SLC38A10: variants seen among roughly 807,000 people sequenced by gnomAD.
SLC38A10 encodes Sodium-coupled neutral amino acid transporter 10.
Under a neutral mutation model 81.0 loss-of-function variants are expected in SLC38A10, and 53 were observed. The observed-to-expected ratio is 0.65, with a 90% CI of 0.53 to 0.82. The LOEUF is 0.82. SLC38A10 is among the 40% of genes least tolerant of loss of function. The probability of loss-of-function intolerance (pLI) is 0.00; values close to 1 mark genes in which losing one functional copy is unlikely to be tolerated. For missense variants in SLC38A10, 1,471 were observed against 1,545.0 expected (o/e 0.95, Z 0.80); for synonymous variants, 665 against 655.3 (o/e 1.01, Z -0.23).
intron 14 of SLC38A10, among the ~76,000 whole-genome samples, chr17:81,248,798 C>G (rs990098630): frequency 1.3e-5 from 2 of 152,150 alleles, no homozygotes; most frequent in African/African-American, 4.8e-5. Context: ...GCCCAGACCC[C>G]TGGATGTGGG....
Position 81,253,414 on chromosome 17 carries a change from A to T in SLC38A10, c.1289-174T>A, listed in dbSNP as rs774586628. ...CAGAAAACTGTCATTTTTCATGTGT[A>T]TTCACAACAAAAATATGTCAAAATG... On this transcript the variant is annotated intron_variant, in intron 11 of 15. Coordinates refer to ENST00000374759, the MANE Select transcript of SLC38A10 (RefSeq NM_001037984.3). This position sits in a 1 kb window ranked among gnomAD's most constrained non-coding sequence, Gnocchi z 4.1. 9.2e-5 allele frequency among the ~76,000 whole-genome samples: 14 copies of T among 152,168 alleles called. No individual in the cohort carries two copies. The highest frequency in any genetic ancestry group is 2.0e-4 in the Admixed American group (3 of 15,282).
chr17:81,292,124 A>G (rs1567951517), intron 1 of SLC38A10, among the ~76,000 whole-genome samples: 1 of 151,890 alleles, frequency 6.6e-6, no homozygotes, highest in South Asian at 2.1e-4. Flanking sequence ...ATATAGATAT[A>G]GATATATATT....
In SLC38A10 at chr17:81,253,688, ACATCACCATCATCACCATCAC is replaced by A. The variant is rs1489217368; in HGVS notation, c.1289-469_1289-449del. On this transcript the variant is annotated intron_variant, in intron 11 of 15. Transcript: ENST00000374759. This position sits in a 1 kb window ranked among gnomAD's most constrained non-coding sequence, Gnocchi z 4.1. ...ACCATCATCTCCATCCCTACCACCA[ACATCACCATCATCACCATCAC>A]CATCACCATCATCACCATCTCCATC... Among the ~76,000 whole-genome samples, 121 of 134,352 alleles carry A rather than the reference ACATCACCATCATCACCATCAC, an allele frequency of 9.0e-4. 1 individual carries two copies. The East Asian group carries it at 0.024, about 27-fold the overall frequency. The allele number at this position is 134,352 out of a possible 152,430, so 88.1% of individuals were successfully genotyped here. A position where few individuals can be genotyped will look rare whatever the true frequency, so the allele number is the denominator to read the frequency against.
At chr17:81,258,796 G>A (rs760693493) in intron 11 of SLC38A10, among the ~76,000 whole-genome samples, 4 of 152,334 alleles carry the variant, frequency 2.6e-5, no homozygotes, top group Admixed American at 6.5e-5. Context: ...CCAGGTGGAC[G>A]TTTTTCCAGT....
At chr17:81,271,978 C>T (rs1280144151) in intron 9 of SLC38A10, among the ~76,000 whole-genome samples, 3 of 152,088 alleles carry the variant, frequency 2.0e-5, no homozygotes, top group Non-Finnish European at 2.9e-5. Context: ...CCGCCCGCCT[C>T]GGCCTCCCAA....
In SLC38A10 at chr17:81,246,024, G is replaced by A; in HGVS notation, c.2892C>T (p.Ile964=). The A allele has an allele frequency of 6.2e-7, 1 of 1,610,696 alleles. No homozygotes were observed. The highest frequency in any genetic ancestry group is 8.5e-7 in the Non-Finnish European group (1 of 1,179,280). ...AVLRQPELRV[I]SDGEQGGQQG... ...GCTGTCCACCCTGCTCGCCATCAGA[G>A]ATGACCCGCAGTTCCGGCTGGCGTA... Residue 964 remains isoleucine, a synonymous_variant, in exon 16 of 16, where the codon ATC becomes ATT. Coordinates refer to ENST00000374759, the MANE Select transcript of SLC38A10 (RefSeq NM_001037984.3).
rs768554867 is a variant in SLC38A10, at chr17:81,276,060, C to A, written c.821G>T (p.Arg274Leu). The A allele has an allele frequency of 1.2e-6, 2 of 1,613,998 alleles. No individual in the cohort carries two copies. The highest frequency in any genetic ancestry group is 1.7e-6 in the Non-Finnish European group (2 of 1,180,020). The change falls in exon 8 of 16, where the codon CGT (arginine) becomes CTT (leucine). Residue 274 changes from arginine to leucine, a missense_variant. Around this residue, in one of 2 missense-constraint regions of SLC38A10, gnomAD observed 720 missense variants for 827.7 expected, o/e 0.87. Transcript: ENST00000374759. This position sits in a 1 kb window ranked among gnomAD's most constrained non-coding sequence, Gnocchi z 4.7. The stretch of plus-strand genomic sequence containing the variant: ...AGCCACTGACATCATGAAGCCCACA[C>A]GGAGCATCTCCGTCACCAGGTTGGA... Reference protein sequence around the residue: ...FPSNLVTEMLRVGFMMSVAVG... With the variant: ...FPSNLVTEMLLVGFMMSVAVG...
intron 10 of SLC38A10, among the ~76,000 whole-genome samples, chr17:81,267,127 C>T (rs1397280649): frequency 6.6e-6 from 1 of 152,184 alleles, no homozygotes; most frequent in African/African-American, 2.4e-5. Flanking sequence ...TAAAGTAAAA[C>T]ACAGGTCCCA....
At position 81,283,520 on chromosome 17, in the gene SLC38A10, G is replaced by T. The variant is rs764950402; in HGVS notation, c.264-18C>A. ...CGATCATGCTGCACAGGGACGGGGG[G>T]TACGGGAAATGCCATCAGGGCAAGC... is the stretch of plus-strand genomic sequence containing the variant. On this transcript the variant is annotated intron_variant, in intron 3 of 15. Transcript: ENST00000374759. The surrounding 1 kb of genome is among the most constrained non-coding windows in gnomAD (Gnocchi z 4.7). The T allele has an allele frequency of 6.3e-6, 10 of 1,597,160 alleles. No homozygotes were observed. The South Asian group carries it at 1.1e-4, about 18-fold the overall frequency.
At position 81,246,039 on chromosome 17, in the gene SLC38A10, C is replaced by T. The variant is rs1343755270; in HGVS notation, c.2877G>A (p.Pro959=). 20 of 1,610,098 alleles carry T rather than the reference C, an allele frequency of 1.2e-5. No individual in the cohort carries two copies. The highest frequency in any genetic ancestry group is 9.3e-5 in the African/African-American group (7 of 74,936). ...CGCCATCAGAGATGACCCGCAGTTC[C>T]GGCTGGCGTAACACAGCCTGGGGCT... The part of the protein sequence containing the change: ...AAQPQAVLRQ[P]ELRVISDGEQ... The change falls in exon 16 of 16, where the codon CCG becomes CCA. Residue 959 remains proline, a synonymous_variant. Transcript: ENST00000374759.
At chr17:81,282,762 AG>A (rs1202960460) in intron 4 of SLC38A10, among the ~76,000 whole-genome samples, 3 of 152,204 alleles carry the variant, frequency 2.0e-5, no homozygotes, top group African/African-American at 4.8e-5. Context: ...GAGACAGAGT[AG>A]GGGACCTAGC....
Position 81,288,371 on chromosome 17 carries a change from C to G in SLC38A10, c.217+1320G>C, listed in dbSNP as rs1033649040. On this transcript the variant is annotated intron_variant, in intron 2 of 15. Coordinates refer to ENST00000374759, the MANE Select transcript of SLC38A10 (RefSeq NM_001037984.3). The surrounding 1 kb of genome is among the most constrained non-coding windows in gnomAD (Gnocchi z 5.4). ...GGGAGGACCTAACATCCCAGCCGCACACTGGCTGGAAGGTCCAGAGCCTTC... is the reference window on the plus strand; with the variant it reads ...GGGAGGACCTAACATCCCAGCCGCAGACTGGCTGGAAGGTCCAGAGCCTTC... Among the ~76,000 whole-genome samples the G allele has an allele frequency of 3.0e-4, 46 of 152,238 alleles. No individual in the cohort carries two copies. Among genetic ancestry groups the G allele is most frequent in the Non-Finnish European group, 5.9e-4 (40 of 68,048 alleles).
intron 1 of SLC38A10, among the ~76,000 whole-genome samples, chr17:81,294,204 T>C (rs2063331010): frequency 6.6e-6 from 1 of 152,100 alleles, no homozygotes; most frequent in African/African-American, 2.4e-5. Flanking sequence ...CTAATTTTTG[T>C]ATTTTCAGTA....
chr17:81,259,522 G>A (rs1256406255), intron 11 of SLC38A10, among the ~76,000 whole-genome samples: 1 of 152,210 alleles, frequency 6.6e-6, no homozygotes, highest in African/African-American at 2.4e-5. Flanking sequence ...TCTGCTGCCT[G>A]CAGGGCCGCC....
At position 81,245,934 on chromosome 17, in the gene SLC38A10, C is replaced by G; in HGVS notation, c.2982G>C (p.Val994=). The G allele has an allele frequency of 6.2e-7, 1 of 1,609,302 alleles. No individual in the cohort carries two copies. The change falls in exon 16 of 16, where the codon GTG becomes GTC. Residue 994 remains valine, a synonymous_variant. Transcript: ENST00000374759. ...CTCTCGGCTGCTCGTGGGACACAGG[C>G]ACATGGTCCCCCCCGCGGGCCTTTC... ...EMRKARGGDH[V]PVSHEQPRGG...
rs1178473570 is a variant in SLC38A10 at position 81,283,931 on chromosome 17, G to A, written c.264-429C>T. On this transcript the variant is annotated intron_variant, in intron 3 of 15. Transcript: ENST00000374759. This position sits in a 1 kb window ranked among gnomAD's most constrained non-coding sequence, Gnocchi z 4.7. The stretch of plus-strand genomic sequence containing the variant: ...GGCCAACAGATGTGATTTCAAACGC[G>A]CCCCAGTTCACAGGGCGCGGGCAGG... Among the ~76,000 whole-genome samples the A allele has an allele frequency of 6.6e-6, 1 of 151,172 alleles. No individual in the cohort carries two copies. The highest frequency in any genetic ancestry group is 1.5e-5 in the Non-Finnish European group (1 of 67,902).
At chr17:81,282,561 C>A (rs2063224438) in intron 4 of SLC38A10, among the ~76,000 whole-genome samples, 1 of 152,240 alleles carries the variant, frequency 6.6e-6, no homozygotes, top group South Asian at 2.1e-4. Context: ...CCCAGCCCAG[C>A]CCCACAGCGA....
intron 1 of SLC38A10, among the ~76,000 whole-genome samples, chr17:81,290,095 C>G (rs1047868716): frequency 3.9e-5 from 6 of 152,184 alleles, no homozygotes; most frequent in Non-Finnish European, 8.8e-5. Flanking sequence ...AACTAATACC[C>G]CCTTGTTCTC....
At position 81,260,399 on chromosome 17, in the gene SLC38A10, G is replaced by A. The variant is rs770168110; in HGVS notation, c.1132-5C>T. On this transcript the variant is annotated splice_region_variant and splice_polypyrimidine_tract_variant and intron_variant, in intron 10 of 15. Coordinates refer to ENST00000374759, the MANE Select transcript of SLC38A10 (RefSeq NM_001037984.3). ...CAGGCCGACCCACAGCACCACCTGA[G>A]GAGACAAAGACCCCAGGGGCGGGAG... The A allele has an allele frequency of 6.7e-5, 108 of 1,609,806 alleles. No homozygotes were observed. The highest frequency in any genetic ancestry group is 2.0e-4 in the Admixed American group (12 of 59,658).
Sources: gnomAD v4.1 joint callset for allele counts (sites outside exome capture counted in the v4.1 genomes callset) on GRCh38, gnomAD v4.1.1 for gene constraint, gnomAD v4.1.1 regional missense constraint, Gnocchi (gnomAD v3.1) non-coding constraint, MANE v1.5 for transcripts, NCBI Gene and HGNC (gene_info 2026-07-23, HGNC 2026-07-21) for gene names.